Variants in PHF19 observed in about 807,000 individuals in gnomAD.
PHF19 encodes polycomb like 3.
A neutral mutation model predicts 79.8 loss-of-function variants in PHF19; 21 were observed. The observed-to-expected ratio is 0.26, with a 90% CI of 0.19 to 0.38. The LOEUF is 0.38. Among genes scored for constraint, PHF19 ranks in the 10% least tolerant of loss-of-function variants. The pLI, the probability that PHF19 is intolerant of heterozygous loss-of-function variation, is 1.00. For synonymous variants in PHF19, 273 were observed against 296.3 expected (o/e 0.92, Z 0.81); for missense variants, 445 against 744.2 (o/e 0.60, Z 4.68).
At chr9:120,858,817 A>ACACACACC (rs200224391) in intron 14 of PHF19, among the ~76,000 whole-genome samples, 1 of 141,598 alleles carries the variant, frequency 7.1e-6, no homozygotes. Context: ...GACATCACAC[A>ACACACACC]CACACACACA....
intron 1 of PHF19, chr9:120,876,866 GACCTGTC>G (rs2046076868): frequency 2.5e-6 from 1 of 395,386 alleles, no homozygotes; most frequent in Non-Finnish European, 3.4e-6. Flanking sequence ...GAGGAAGAAC[GACCTGTC>G]ACCCATGCCC....
At chr9:120,883,423 C>A (rs1421897875) in intron 1 of PHF19, among the ~76,000 whole-genome samples, 1 of 152,186 alleles carries the variant, frequency 6.6e-6, no homozygotes, top group Non-Finnish European at 1.5e-5. Context: ...GAATGACAGG[C>A]GTGGCATGAA....
upstream of PHF19, among the ~76,000 whole-genome samples, chr9:120,898,646 T>A (rs572896206): frequency 7.2e-5 from 11 of 152,338 alleles, no homozygotes; most frequent in African/African-American, 2.4e-4. Context: ...CTGCTTCTAG[T>A]CATGAATCAA....
chr9:120,884,995 G>A (rs10985076), intron 1 of PHF19, among the ~76,000 whole-genome samples: 25,204 of 152,106 alleles, frequency 0.17, 3,431 homozygotes, highest in African/African-American at 0.37. Flanking sequence ...TGAGGTGGGA[G>A]AATCATTTGA....
chr9:120,877,611 G>C (rs2046107557), upstream of PHF19, among the ~76,000 whole-genome samples: 1 of 152,160 alleles, frequency 6.6e-6, no homozygotes. Context: ...CGCAGGCACC[G>C]GCGGACCCTG....
At position 120,874,852 on chromosome 9, in the gene PHF19, T is replaced by TC; in HGVS notation, c.-15-97_-15-96insG. On this transcript the variant is annotated intron_variant, in intron 1 of 14. Coordinates refer to ENST00000373896, the MANE Select transcript of PHF19 (RefSeq NM_015651.3). This position sits in a 1 kb window ranked among gnomAD's most constrained non-coding sequence, Gnocchi z 4.5. Reference sequence around the variant, plus strand: ...AAACCACCATTTCTGTACCCTGTGCTATAAGCCAGACTTGGTTATTATCTC... The same window carrying TC: ...AAACCACCATTTCTGTACCCTGTGCTCATAAGCCAGACTTGGTTATTATCTC... 1.4e-6 allele frequency: 1 copy of TC among 723,016 alleles called. No homozygotes were observed. The allele number at this position is 723,016 out of a possible 1,614,324, so 44.8% of individuals were successfully genotyped here. A position where few individuals can be genotyped will look rare whatever the true frequency, so the allele number is the denominator to read the frequency against.
chr9:120,861,375 G>A (rs907905130), intron 12 of PHF19, among the ~76,000 whole-genome samples: 1 of 152,106 alleles, frequency 6.6e-6, no homozygotes, highest in African/African-American at 2.4e-5. Flanking sequence ...CTGACTGTAC[G>A]ACCTTCACGT....
intron 1 of PHF19, among the ~76,000 whole-genome samples, chr9:120,885,764 A>G (rs2046254724): frequency 1.3e-5 from 2 of 152,076 alleles, no homozygotes; most frequent in Admixed American, 6.5e-5. Flanking sequence ...TGAGTTTTTT[A>G]ATTGCCAAAA....
At chr9:120,873,617 G>A (rs552332095) in intron 3 of PHF19, among the ~76,000 whole-genome samples, 33 of 152,302 alleles carry the variant, frequency 2.2e-4, no homozygotes, top group South Asian at 1.5e-3. Flanking sequence ...ACCTGGGCAC[G>A]CCCCCTTTTC....
At chr9:120,861,810 A>C in intron 12 of PHF19, 108 bp downstream of exon 12, 1 of 797,654 alleles carries the variant, frequency 1.3e-6, no homozygotes, top group South Asian at 1.4e-5. Context: ...TCTTTAAGGG[A>C]CATGAGAGAG....
At chr9:120,876,684 G>T (rs562180446) in intron 1 of PHF19, among the ~76,000 whole-genome samples, 2 of 152,162 alleles carry the variant, frequency 1.3e-5, no homozygotes, top group Non-Finnish European at 2.9e-5. Context: ...CAGGAGGGGG[G>T]AAAAAGCTTG....
At position 120,869,438 on chromosome 9, in the gene PHF19, A is replaced by C; in HGVS notation, c.466-108T>G. Reference sequence around the variant, plus strand: ...TGCTGCCAGGGCTTGGGGGACCCGCAGATATTCCAATATAGTCAGAAAAGC... The same window carrying C: ...TGCTGCCAGGGCTTGGGGGACCCGCCGATATTCCAATATAGTCAGAAAAGC... On this transcript the variant is annotated intron_variant, in intron 5 of 14. Coordinates refer to ENST00000373896, the MANE Select transcript of PHF19 (RefSeq NM_015651.3). The surrounding 1 kb of genome is among the most constrained non-coding windows in gnomAD (Gnocchi z 5.8). 1 of 1,369,332 alleles carries C rather than the reference A, an allele frequency of 7.3e-7. No individual in the cohort carries two copies. 84.8% of individuals were successfully genotyped at this position (1,369,332 alleles called of 1,614,324 possible).
At chr9:120,882,880 CA>C (rs1319872278) in intron 1 of PHF19, among the ~76,000 whole-genome samples, 7 of 150,226 alleles carry the variant, frequency 4.7e-5, no homozygotes, top group African/African-American at 1.5e-4. Context: ...GCTCTACACA[CA>C]AGAGGCTTTT....
rs2045821809 is a variant in PHF19 at position 120,869,391 on chromosome 9, C to T, written c.466-61G>A. On this transcript the variant is annotated intron_variant, in intron 5 of 14. Coordinates refer to ENST00000373896, the MANE Select transcript of PHF19 (RefSeq NM_015651.3). The surrounding 1 kb of genome is among the most constrained non-coding windows in gnomAD (Gnocchi z 5.8). The stretch of plus-strand genomic sequence containing the variant: ...TCCGGGTGGACCACGCGAGTCAGCA[C>T]GCGGCTGTCTATTGAGGGAAGTGCT... The T allele has an allele frequency of 5.1e-6, 8 of 1,561,536 alleles. No homozygotes were observed. In the South Asian group the frequency reaches 9.4e-5, roughly 18 times the overall value.
At position 120,861,164 on chromosome 9, in the gene PHF19, G is replaced by A; in HGVS notation, c.1229C>T (p.Thr410Ile). The A allele has an allele frequency of 1.3e-6, 2 of 1,594,210 alleles. No individual in the cohort carries two copies. The highest frequency in any genetic ancestry group is 1.7e-6 in the Non-Finnish European group (2 of 1,161,814). ...GTGGTGGTTGGTGCTCCAGGCTGAG[G>A]TGAAGTCACTCTGTGGACACAGGAA... is the stretch of plus-strand genomic sequence containing the variant. ...LEDAIPSSDFTSAWSTNHHLA... is the reference protein window; with the variant it reads ...LEDAIPSSDFISAWSTNHHLA... The change falls in exon 13 of 15, where the codon ACC becomes ATC. Residue 410 changes from threonine to isoleucine, a missense_variant. Thr to Ile is a moderately conservative substitution (Grantham distance 89). This residue lies in a region of PHF19 where 125 missense variants were observed against 180.5 expected (regional missense o/e 0.69). Transcript: ENST00000373896.
At chr9:120,879,348 G>A (rs894244821), upstream of PHF19, among the ~76,000 whole-genome samples, 16 of 152,364 alleles carry the variant, frequency 1.1e-4, no homozygotes, top group African/African-American at 3.6e-4. Flanking sequence ...CCTCGTGGAG[G>A]AGGCGGTGTT....
Position 120,869,136 on chromosome 9 carries a change from T to C in PHF19, c.614+46A>G. 2 of 1,565,918 alleles carry C rather than the reference T, an allele frequency of 1.3e-6. No homozygotes were observed. The highest frequency in any genetic ancestry group is 8.6e-7 in the Non-Finnish European group (1 of 1,156,836). On this transcript the variant is annotated intron_variant, in intron 6 of 14. Transcript: ENST00000373896. The surrounding 1 kb of genome is among the most constrained non-coding windows in gnomAD (Gnocchi z 5.8). ...ATGGGCGGTCCCTGCTGGCGATTCT[T>C]GGAGACCTGCCCTGCCGCCCGGGGG...
upstream of PHF19, among the ~76,000 whole-genome samples, chr9:120,878,517 C>T (rs1239623212): frequency 6.6e-6 from 1 of 152,198 alleles, no homozygotes; most frequent in Non-Finnish European, 1.5e-5. Flanking sequence ...GTGGACAGCA[C>T]CTTCCCCCAG....
Position 120,891,026 on chromosome 9 carries a change from G to A in PHF19, c.42+3762C>T, listed in dbSNP as rs568823025. 1.7e-4 allele frequency among the ~76,000 whole-genome samples: 26 copies of A among 152,234 alleles called. No individual in the cohort carries two copies. In the South Asian group the frequency reaches 4.2e-3, roughly 24 times the overall value. ...AATTTGGGCCTCAGAGCCTTGGACT[G>A]TGTTTTTGCCTTGATGGGGATTTTC... is the stretch of plus-strand genomic sequence containing the variant. On this transcript the variant is annotated intron_variant, in intron 1 of 14. Transcript: ENST00000616568. This position sits in a 1 kb window ranked among gnomAD's most constrained non-coding sequence, Gnocchi z 4.3.
Sources: allele counts gnomAD v4.1 joint callset (sites outside exome capture counted in the v4.1 genomes callset), GRCh38; gene constraint gnomAD v4.1.1; regional missense constraint gnomAD v4.1.1; non-coding constraint Gnocchi (gnomAD v3.1); transcripts MANE v1.5; gene names NCBI Gene and HGNC (gene_info 2026-07-23, HGNC 2026-07-21).